The following PEAK1 variants were observed in gnomAD, a reference collection of about 807,000 sequenced individuals.
The protein encoded by PEAK1 is pseudopodium enriched atypical kinase 1, also known as inactive tyrosine-protein kinase PEAK1.
A neutral mutation model predicts 124.7 loss-of-function variants in PEAK1; 54 were observed. The ratio of observed to expected loss-of-function variants is 0.43; its 90% CI spans 0.35 to 0.54. PEAK1 has a LOEUF of 0.54. PEAK1 is among the 20% of genes least tolerant of loss of function. The probability of loss-of-function intolerance (pLI) is 0.01; values close to 1 mark genes in which losing one functional copy is unlikely to be tolerated. For missense variants in PEAK1, 2,046 were observed against 2,134.5 expected, an observed-to-expected ratio of 0.96 and a Z score of 0.82; for synonymous variants, 719 against 760.0, an observed-to-expected ratio of 0.95 and a Z score of 0.89.
Position 77,403,894 on chromosome 15 carries a change from T to C in PEAK1, c.-666+16112A>G, listed in dbSNP as rs1025022778. 9.1e-6 allele frequency: 9 copies of C among 984,704 alleles called. No individual in the cohort carries two copies. The African/African-American group carries it at 1.6e-4, about 17-fold the overall frequency. 61.0% of individuals were successfully genotyped at this position (984,704 alleles called of 1,614,324 possible). ...CCACAAATTCATTTTAGAAACAGAA[T>C]GACTTTTTTTAATTTCCAACTTTTA... is the stretch of plus-strand genomic sequence containing the variant. On this transcript the variant is annotated intron_variant, in intron 1 of 9. Coordinates refer to ENST00000682557, the MANE Select transcript of PEAK1 (RefSeq NM_001385026.1).
intron 2 of PEAK1, among the ~76,000 whole-genome samples, chr15:77,299,500 T>C (rs186111094): frequency 1.7e-4 from 26 of 152,314 alleles, no homozygotes; most frequent in Admixed American, 1.4e-3. Flanking sequence ...CACCAATTAT[T>C]CCACTAATGT....
intron 7 of PEAK1, among the ~76,000 whole-genome samples, chr15:77,158,930 G>T (rs941189787): frequency 3.3e-5 from 5 of 152,176 alleles, no homozygotes; most frequent in Admixed American, 3.3e-4. Context: ...GGGAACTTGA[G>T]AATAACAGTC....
intron 9 of PEAK1, among the ~76,000 whole-genome samples, chr15:77,131,230 T>A (rs1400423713): frequency 6.6e-6 from 1 of 152,214 alleles, no homozygotes; most frequent in Non-Finnish European, 1.5e-5. Flanking sequence ...GCATGGTGGC[T>A]CACGCCTGTA....
At chr15:77,170,822 G>A (rs556050501) in intron 7 of PEAK1, among the ~76,000 whole-genome samples, 1 of 152,196 alleles carries the variant, frequency 6.6e-6, no homozygotes, top group Non-Finnish European at 1.5e-5. Context: ...CAAATCTTTG[G>A]CTACAGTGCT....
chr15:77,345,808 G>A, intron 2 of PEAK1: 1 of 646,706 alleles, frequency 1.5e-6, no homozygotes, highest in Non-Finnish European at 1.9e-6. Flanking sequence ...ACCCTGATTT[G>A]ATCTTTACAC....
intron 6 of PEAK1, among the ~76,000 whole-genome samples, chr15:77,244,595 CTTTTT>C (rs752772715): frequency 6.9e-6 from 1 of 144,910 alleles, no homozygotes; most frequent in South Asian, 2.2e-4. Context: ...TTTTCTTTTT[CTTTTT>C]TTTTTTGAGA....
chr15:77,392,057 C>G (rs2070506934), intron 1 of PEAK1, among the ~76,000 whole-genome samples: 1 of 152,170 alleles, frequency 6.6e-6, no homozygotes, highest in South Asian at 2.1e-4. Context: ...TTGTACTTGA[C>G]ACGTAGCATT....
chr15:77,105,353 T>TGCGCGC (rs1211721842), downstream of PEAK1: 8 of 77,628 alleles, frequency 1.0e-4, no homozygotes, highest in African/African-American at 3.4e-4. Context: ...TGTGTGTGTG[T>TGCGCGC]GTGTGCGCGC....
intron 8 of PEAK1, among the ~76,000 whole-genome samples, chr15:77,136,159 T>A (rs148193059): frequency 1.6e-3 from 238 of 152,248 alleles, no homozygotes; most frequent in African/African-American, 5.6e-3. Flanking sequence ...GATAAGGAAC[T>A]CGTTGTGAAC....
intron 5 of PEAK1, among the ~76,000 whole-genome samples, chr15:77,283,254 T>C (rs1030228114): frequency 1.4e-4 from 21 of 152,226 alleles, no homozygotes; most frequent in African/African-American, 4.6e-4. Context: ...CTGTTTTCCT[T>C]ATTTGATTAG....
intron 2 of PEAK1, among the ~76,000 whole-genome samples, chr15:77,287,774 C>T (rs1043076483): frequency 6.6e-5 from 10 of 152,106 alleles, no homozygotes; most frequent in Admixed American, 4.6e-4. Flanking sequence ...TATCCCAAAC[C>T]GAGCTGTTCA....
intron 8 of PEAK1, among the ~76,000 whole-genome samples, chr15:77,149,610 C>T (rs1262791028): frequency 2.6e-5 from 4 of 152,112 alleles, no homozygotes; most frequent in African/African-American, 4.8e-5. Context: ...CAAAACAAAA[C>T]CCCCTTAGCT....
At chr15:77,205,085 A>G in intron 6 of PEAK1, 1 of 229,792 alleles carries the variant, frequency 4.4e-6, no homozygotes, top group South Asian at 5.7e-5. Context: ...GAGAGAAAGA[A>G]GCCAAGTCTG....
At chr15:77,360,302 G>A (rs1301249348) in intron 2 of PEAK1, among the ~76,000 whole-genome samples, 2 of 152,092 alleles carry the variant, frequency 1.3e-5, no homozygotes, top group Non-Finnish European at 2.9e-5. Flanking sequence ...GAAAACATGA[G>A]TATTCCCCAG....
chr15:77,337,497 GACAT>G, intron 2 of PEAK1: 1 of 984,680 alleles, frequency 1.0e-6, no homozygotes, highest in Non-Finnish European at 1.2e-6. Flanking sequence ...TCATCATCCT[GACAT>G]ACAAAGATCC....
rs555868758 is a variant in PEAK1, at chr15:77,413,613, A to G, written c.-666+6393T>C. Among the ~76,000 whole-genome samples the G allele has an allele frequency of 3.0e-4, 45 of 152,358 alleles. No homozygotes were observed. In the South Asian group the frequency reaches 8.9e-3, roughly 30 times the overall value. ...GACCAAGAAACTGCCACACATTGGG[A>G]GAGACAAAGAAGACAACTAAAGCAA... On this transcript the variant is annotated intron_variant, in intron 1 of 9. Transcript: ENST00000682557.
At chr15:77,154,584 T>C (rs1234460406) in intron 8 of PEAK1, among the ~76,000 whole-genome samples, 8 of 152,276 alleles carry the variant, frequency 5.3e-5, no homozygotes, top group Admixed American at 5.2e-4. Context: ...CTAGCCTTGA[T>C]GGTCTTTACA....
intron 6 of PEAK1, among the ~76,000 whole-genome samples, chr15:77,217,277 T>C (rs1250515154): frequency 1.3e-5 from 2 of 148,898 alleles, no homozygotes; most frequent in African/African-American, 5.0e-5. Context: ...CAAAGTACAG[T>C]TGAAGCAATA....
intron 6 of PEAK1, chr15:77,205,129 A>G: frequency 3.7e-6 from 1 of 273,398 alleles, no homozygotes; most frequent in Non-Finnish European, 6.9e-6. Context: ...ATCAGTGGTC[A>G]CTATTTCTCT....
Sources: allele counts gnomAD v4.1 joint callset (sites outside exome capture counted in the v4.1 genomes callset), GRCh38; gene constraint gnomAD v4.1.1; transcripts MANE v1.5; gene names NCBI Gene and HGNC (gene_info 2026-07-23, HGNC 2026-07-21).